COL19A1: variants seen among roughly 807,000 people sequenced by gnomAD.
COL19A1 encodes the protein collagen alpha-1(XIX) chain.
In COL19A1, 159 loss-of-function variants were observed where a neutral mutation model predicts 190.2. That is an observed-to-expected ratio of 0.84 (90% CI 0.73 to 0.95). COL19A1 has a LOEUF of 0.95. Ranked by LOEUF, COL19A1 falls within the 40% of genes least tolerant of loss-of-function variation. The probability of loss-of-function intolerance (pLI) is 0.00; values close to 1 mark genes in which losing one functional copy is unlikely to be tolerated. For synonymous variants in COL19A1, 509 were observed against 458.9 expected (o/e 1.11, Z -1.39); for missense variants, 1,418 against 1,431.9 (o/e 0.99, Z 0.16).
intron 14 of COL19A1, among the ~76,000 whole-genome samples, chr6:70,061,532 A>G (rs1296809100): frequency 3.3e-5 from 5 of 152,124 alleles, no homozygotes. Flanking sequence ...AAAGATTATC[A>G]TAAATATTTT....
intron 2 of COL19A1, among the ~76,000 whole-genome samples, chr6:69,889,595 T>C (rs1253141522): frequency 1.3e-5 from 2 of 152,124 alleles, no homozygotes; most frequent in African/African-American, 2.4e-5. Context: ...CAGCACTCTG[T>C]AAAAATGTAC....
chr6:70,003,302 T>C (rs1190046485), intron 11 of COL19A1, among the ~76,000 whole-genome samples: 1 of 152,228 alleles, frequency 6.6e-6, no homozygotes, highest in Admixed American at 6.5e-5. Context: ...ATGTGGTTGA[T>C]TTTAGAATAA....
chr6:70,197,550 G>T (rs1167849129), intron 48 of COL19A1, among the ~76,000 whole-genome samples: 1 of 152,152 alleles, frequency 6.6e-6, no homozygotes, highest in African/African-American at 2.4e-5. Context: ...ATAATTTGAT[G>T]TAATAAAGAT....
chr6:70,053,936 G>T (rs750897352), intron 14 of COL19A1, among the ~76,000 whole-genome samples: 1 of 152,094 alleles, frequency 6.6e-6, no homozygotes, highest in Non-Finnish European at 1.5e-5. Context: ...AATATTTAAG[G>T]ATCCACTCTG....
chr6:70,184,818 C>T, intron 45 of COL19A1, 53 bp from the exon 46 acceptor site: 5 of 1,606,218 alleles, frequency 3.1e-6, no homozygotes, highest in Non-Finnish European at 4.3e-6. Flanking sequence ...ATCAATCAGA[C>T]TGATGAAAAA....
chr6:69,941,791 C>A (rs867032296), intron 9 of COL19A1, among the ~76,000 whole-genome samples: 1 of 151,404 alleles, frequency 6.6e-6, no homozygotes, highest in Non-Finnish European at 1.5e-5. Context: ...CGGGTTCAAG[C>A]GATTCTCCTG....
chr6:70,102,005 G>A (rs953702464), intron 15 of COL19A1, among the ~76,000 whole-genome samples, 164 bp from the exon 16 acceptor site: 2 of 152,052 alleles, frequency 1.3e-5, no homozygotes, highest in African/African-American at 4.8e-5. Context: ...CTTAAAAATT[G>A]GCCCACAGCT....
In COL19A1 at chr6:69,921,356, A is replaced by AATCATATAT. The variant is rs1187631426; in HGVS notation, c.267-6516_267-6508dup. On this transcript the variant is annotated intron_variant, in intron 4 of 50. Transcript: ENST00000620364. ...TATATCTATATATATCATATATCAT[A>AATCATATAT]ATCATATATATCATATATATCATAT... 6.0e-3 allele frequency among the ~76,000 whole-genome samples: 533 copies of AATCATATAT among 89,448 alleles called. 7 individuals carry two copies. Among genetic ancestry groups the AATCATATAT allele is most frequent in the South Asian group, 0.016 (46 of 2,858 alleles). 58.7% of individuals were successfully genotyped at this position (89,448 alleles called of 152,430 possible). A position where few individuals can be genotyped will look rare whatever the true frequency, so the allele number is the denominator to read the frequency against.
At chr6:70,075,543 A>C (rs1175189426) in intron 15 of COL19A1, among the ~76,000 whole-genome samples, 1 of 152,234 alleles carries the variant, frequency 6.6e-6, no homozygotes, top group Admixed American at 6.5e-5. Context: ...GGAAAGATAA[A>C]TCAAGGAAAA....
At chr6:69,984,652 GT>G (rs1386585154) in intron 11 of COL19A1, among the ~76,000 whole-genome samples, 1 of 151,948 alleles carries the variant, frequency 6.6e-6, no homozygotes, top group Non-Finnish European at 1.5e-5. Context: ...CATTCTCTTG[GT>G]TGGCTGATGT....
At chr6:69,886,617 GT>G (rs1014367983) in intron 2 of COL19A1, among the ~76,000 whole-genome samples, 141 of 141,284 alleles carry the variant, frequency 1.0e-3, no homozygotes, top group African/African-American at 3.0e-3. Context: ...AAAGCAGTGC[GT>G]TTTTTTTTTT....
chr6:70,021,794 A>G (rs1778428520), intron 11 of COL19A1, among the ~76,000 whole-genome samples: 1 of 152,120 alleles, frequency 6.6e-6, no homozygotes. Flanking sequence ...TTTACATTTA[A>G]TTTAATTTAG....
At chr6:70,191,385 A>T (rs1163498483) in intron 48 of COL19A1, among the ~76,000 whole-genome samples, 1 of 152,092 alleles carries the variant, frequency 6.6e-6, no homozygotes, top group East Asian at 1.9e-4. Context: ...ATCTTGTTCC[A>T]ACCTGAAGAT....
intron 2 of COL19A1, among the ~76,000 whole-genome samples, chr6:69,898,630 C>T (rs79746051): frequency 1.7e-3 from 265 of 152,104 alleles, no homozygotes; most frequent in Middle Eastern, 6.8e-3. Flanking sequence ...ACTTTGAATA[C>T]GAAAGTTTAA....
At chr6:69,941,690 CTTT>C (rs534792473) in intron 9 of COL19A1, among the ~76,000 whole-genome samples, 3 of 130,536 alleles carry the variant, frequency 2.3e-5, no homozygotes, top group Non-Finnish European at 3.3e-5. Flanking sequence ...GTGCTAGTTG[CTTT>C]TTTTTTTTTT....
chr6:70,190,124 C>T (rs1766767021), intron 47 of COL19A1, among the ~76,000 whole-genome samples, 191 bp from the exon 48 acceptor site: 3 of 152,216 alleles, frequency 2.0e-5, no homozygotes, highest in Admixed American at 2.0e-4. Context: ...CAATTACACA[C>T]TTCAACTTCT....
chr6:70,017,883 G>C (rs1435070917), intron 11 of COL19A1, among the ~76,000 whole-genome samples: 1 of 152,072 alleles, frequency 6.6e-6, no homozygotes, highest in African/African-American at 2.4e-5. Flanking sequence ...GACCAAATAA[G>C]GTACAAGTCA....
chr6:70,156,165 G>A lies in COL19A1; in HGVS notation c.2118G>A (p.Leu706=). 1.2e-6 allele frequency: 2 copies of A among 1,613,230 alleles called. No individual in the cohort carries two copies. Among genetic ancestry groups the A allele is most frequent in the Non-Finnish European group, 1.7e-6 (2 of 1,179,538 alleles). ...ACTGCCAAGCCAGTGTCCCAGGGCT[G>A]AAAAGCAACAAAGGAGAAGAAGGAG... ...CGNCQASVPG[L]KSNKGEEGGA... The change falls in exon 32 of 51, where the codon CTG becomes CTA. Residue 706 remains leucine, a synonymous_variant. Coordinates refer to ENST00000620364, the MANE Select transcript of COL19A1 (RefSeq NM_001858.6).
intron 15 of COL19A1, among the ~76,000 whole-genome samples, chr6:70,079,608 G>C (rs1782114318): frequency 6.6e-6 from 1 of 152,320 alleles, no homozygotes; most frequent in South Asian, 2.1e-4. Flanking sequence ...ACTGCGAACT[G>C]ATAGGAAATT....
Sources: allele counts gnomAD v4.1 joint callset (sites outside exome capture counted in the v4.1 genomes callset), GRCh38; gene constraint gnomAD v4.1.1; transcripts MANE v1.5; gene names NCBI Gene and HGNC (gene_info 2026-07-23, HGNC 2026-07-21).